FBLN2: variants seen among roughly 807,000 people sequenced by gnomAD.
The protein encoded by FBLN2 is fibulin-2.
Under a neutral mutation model 123.7 loss-of-function variants are expected in FBLN2, and 81 were observed. The observed-to-expected ratio is 0.65, with a 90% CI of 0.55 to 0.79. The LOEUF is 0.79. Among genes scored for constraint, FBLN2 ranks in the 30% least tolerant of loss-of-function variants. FBLN2 has a pLI of 0.00. For synonymous variants in FBLN2, 699 were observed against 701.4 expected (o/e 1.00, Z 0.05); for missense variants, 1,603 against 1,681.3 (o/e 0.95, Z 0.81).
intron 2 of FBLN2, among the ~76,000 whole-genome samples, chr3:13,577,734 A>G (rs565810152): frequency 6.6e-6 from 1 of 152,278 alleles, no homozygotes; most frequent in Non-Finnish European, 1.5e-5. Flanking sequence ...CCAGGTCCAC[A>G]GAGCTCCGTG....
chr3:13,622,054 T>A, intron 9 of FBLN2, 139 bp downstream of exon 9: 1 of 1,048,626 alleles, frequency 9.5e-7, no homozygotes, highest in Non-Finnish European at 1.3e-6. Flanking sequence ...CTCCGTGCTC[T>A]ATGTCGTGCC....
intron 9 of FBLN2, among the ~76,000 whole-genome samples, chr3:13,625,345 C>G (rs1457521392): frequency 2.0e-5 from 3 of 152,156 alleles, no homozygotes; most frequent in Admixed American, 6.5e-5. Context: ...TTCTCCTCTC[C>G]CCAACTGCTT....
At chr3:13,603,334 C>T (rs1360983596) in intron 2 of FBLN2, among the ~76,000 whole-genome samples, 1 of 151,406 alleles carries the variant, frequency 6.6e-6, no homozygotes, top group Non-Finnish European at 1.5e-5. Flanking sequence ...GTGTGCTGCA[C>T]CTGTTAACTT....
chr3:13,633,210 G>A (rs976238621), intron 16 of FBLN2, among the ~76,000 whole-genome samples: 4 of 152,270 alleles, frequency 2.6e-5, no homozygotes, highest in Admixed American at 6.5e-5. Context: ...TATGCCCATC[G>A]TGGGTGCACC....
chr3:13,626,835 C>T (rs1412519380), intron 10 of FBLN2, among the ~76,000 whole-genome samples: 4 of 152,206 alleles, frequency 2.6e-5, no homozygotes, highest in African/African-American at 9.6e-5. Context: ...GGCTTTGCTC[C>T]TGCCTGCTGG....
chr3:13,579,287 C>T (rs552138990), intron 2 of FBLN2, among the ~76,000 whole-genome samples: 1 of 152,344 alleles, frequency 6.6e-6, no homozygotes, highest in South Asian at 2.1e-4. Flanking sequence ...CGCAAGCACA[C>T]ATCCCATTAG....
chr3:13,562,300 G>A (rs1703631312), intron 1 of FBLN2, among the ~76,000 whole-genome samples: 2 of 151,390 alleles, frequency 1.3e-5, no homozygotes, highest in South Asian at 4.2e-4. Flanking sequence ...GCTCTACAGT[G>A]CACATTTGTG....
chr3:13,600,157 G>A (rs1429662381), intron 2 of FBLN2, among the ~76,000 whole-genome samples: 3 of 151,794 alleles, frequency 2.0e-5, no homozygotes, highest in Non-Finnish European at 2.9e-5. Context: ...ACTGCTGGGC[G>A]GAGCCTTGGA....
At chr3:13,630,999 C>T (rs1221582600) in intron 15 of FBLN2, among the ~76,000 whole-genome samples, 184 bp downstream of exon 15, 1 of 152,222 alleles carries the variant, frequency 6.6e-6, no homozygotes, top group Non-Finnish European at 1.5e-5. Flanking sequence ...CCACTCTGAC[C>T]TCAGGTTCCT....
At position 13,584,678 on chromosome 3, in the gene FBLN2, C is replaced by T. The variant is rs141554893; in HGVS notation, c.1306+13017C>T. Among the ~76,000 whole-genome samples, 1,064 of 152,232 alleles carry T rather than the reference C, an allele frequency of 7.0e-3. 7 individuals are homozygous for T. The highest frequency in any genetic ancestry group is 0.02 in the Middle Eastern group (6 of 294). On this transcript the variant is annotated intron_variant, in intron 2 of 17. Coordinates refer to ENST00000404922, the MANE Select transcript of FBLN2 (RefSeq NM_001004019.2). ...CTCCCTCAAGAAAGAGCAGGGCTGACGGGTGGAAGGTGGGTCTAGGGCAGA... is the reference window on the plus strand; with the variant it reads ...CTCCCTCAAGAAAGAGCAGGGCTGATGGGTGGAAGGTGGGTCTAGGGCAGA...
intron 16 of FBLN2, among the ~76,000 whole-genome samples, chr3:13,634,136 T>C (rs376433566): frequency 6.6e-6 from 1 of 152,214 alleles, no homozygotes; most frequent in African/African-American, 2.4e-5. Flanking sequence ...CTCAAGTCCT[T>C]CAGAAGCCCT....
intron 10 of FBLN2, 58 bp downstream of exon 10, chr3:13,626,637 G>GC (rs1441920990): frequency 1.6e-5 from 23 of 1,397,314 alleles, no homozygotes; most frequent in Middle Eastern, 2.5e-4. Flanking sequence ...GTTTTGCCCC[G>GC]CCCCTCCCTG....
At chr3:13,610,908 T>C (rs1470492367) in intron 4 of FBLN2, among the ~76,000 whole-genome samples, 2 of 143,746 alleles carry the variant, frequency 1.4e-5, no homozygotes, top group Non-Finnish European at 3.0e-5. Context: ...ATTATTATTA[T>C]TATTATTATT....
intron 16 of FBLN2, among the ~76,000 whole-genome samples, chr3:13,634,138 A>G (rs1268830813): frequency 1.3e-5 from 2 of 152,214 alleles, no homozygotes; most frequent in African/African-American, 4.8e-5. Context: ...CAAGTCCTTC[A>G]GAAGCCCTTG....
chr3:13,637,497 G>C (rs1006318720), intron 17 of FBLN2, 65 bp from the exon 18 acceptor site: 9 of 1,409,066 alleles, frequency 6.4e-6, no homozygotes, highest in South Asian at 1.4e-5. Context: ...TGTGCCATCT[G>C]TGTCCCCGTC....
intron 9 of FBLN2, among the ~76,000 whole-genome samples, chr3:13,622,635 G>A (rs1002421178): frequency 2.6e-5 from 4 of 152,344 alleles, no homozygotes; most frequent in East Asian, 3.9e-4. Flanking sequence ...CCTGCACATC[G>A]CCCGGGTTGG....
chr3:13,549,248 T>G (rs1290219953), intron 1 of FBLN2, 40 bp downstream of exon 1: 14 of 979,280 alleles, frequency 1.4e-5, no homozygotes, highest in Non-Finnish European at 1.7e-5. Flanking sequence ...CTCATCCCCG[T>G]CGGTCCGCGC....
intron 1 of FBLN2, among the ~76,000 whole-genome samples, chr3:13,552,593 C>T (rs538039496): frequency 1.1e-4 from 16 of 152,248 alleles, no homozygotes; most frequent in Non-Finnish European, 2.1e-4. Flanking sequence ...CAGACAGAGG[C>T]GCTGCTCCTG....
intron 2 of FBLN2, among the ~76,000 whole-genome samples, chr3:13,579,890 A>G (rs1169464476): frequency 6.6e-6 from 1 of 152,216 alleles, no homozygotes; most frequent in Non-Finnish European, 1.5e-5. Context: ...TCCCAAGTGA[A>G]CACACCTGTG....
Sources: allele counts gnomAD v4.1 joint callset (sites outside exome capture counted in the v4.1 genomes callset), GRCh38; gene constraint gnomAD v4.1.1; transcripts MANE v1.5; gene names NCBI Gene and HGNC (gene_info 2026-07-23, HGNC 2026-07-21).